The following SPTB variants were observed in gnomAD, a reference collection of about 807,000 sequenced individuals.
SPTB encodes the protein spectrin beta chain, erythrocytic.
A neutral mutation model predicts 256.2 loss-of-function variants in SPTB; 45 were observed. The ratio of observed to expected loss-of-function variants is 0.18; its 90% CI spans 0.14 to 0.23. The LOEUF (loss-of-function observed/expected upper bound fraction) is 0.23, where lower values mean the gene tolerates loss of function less well. SPTB is among the 10% of genes least tolerant of loss of function. The pLI, the probability that SPTB is intolerant of heterozygous loss-of-function variation, is 1.00. For missense variants in SPTB, 2,715 were observed against 3,040.4 expected (o/e 0.89, Z 2.52); for synonymous variants, 1,231 against 1,243.1 (o/e 0.99, Z 0.21).
In SPTB at chr14:64,827,467, G is replaced by T. The variant is rs996002768; in HGVS notation, c.-51-4322C>A. Among the ~76,000 whole-genome samples the T allele has an allele frequency of 6.6e-6, 1 of 152,100 alleles. No individual in the cohort carries two copies. Among genetic ancestry groups the T allele is most frequent in the Non-Finnish European group, 1.5e-5 (1 of 68,012 alleles). On this transcript the variant is annotated intron_variant, in intron 1 of 35. Transcript: ENST00000644917. The surrounding 1 kb of genome is among the most constrained non-coding windows in gnomAD (Gnocchi z 4.6). ...CCTCACCTGTTTTCTAGTTTGTCCTGCCCCTTTATGCTACCTCAAACCTGC... is the reference window on the plus strand; with the variant it reads ...CCTCACCTGTTTTCTAGTTTGTCCTTCCCCTTTATGCTACCTCAAACCTGC...
rs34353769 is a variant in SPTB, at chr14:64,748,936, CTTT to C, written c.*367_*369del. On this transcript the variant is annotated 3_prime_UTR_variant, in exon 36 of 36. Transcript: ENST00000644917. ...AGAACCCCATCAGCCTTCTCCAGCT[CTTT>C]TTTTTTTTTTTTTTTGGTTGGGGGT... 5.1e-3 allele frequency: 652 copies of C among 128,598 alleles called. No homozygotes were observed. Among genetic ancestry groups the C allele is most frequent in the South Asian group, 0.015 (66 of 4,426 alleles). 8.0% of individuals were successfully genotyped at this position (128,598 alleles called of 1,614,324 possible). A position where few individuals can be genotyped will look rare whatever the true frequency, so the allele number is the denominator to read the frequency against.
rs779089363 is a variant in SPTB, at chr14:64,796,601, T to C, written c.1297A>G (p.Met433Val). ...TTTTCACTGAGCCAGGTCTCTCTCA[T>C]TGCGGCCTTCCGGTCAAAGCGCCGG... ...LARRFDRKAAMRETWLSENQR... is the reference protein window; with the variant it reads ...LARRFDRKAAVRETWLSENQR... The change falls in exon 11 of 36, where the codon ATG becomes GTG. Residue 433 changes from methionine to valine, a missense_variant. Around this residue, in one of 4 missense-constraint regions of SPTB, gnomAD observed 416 missense variants for 571.1 expected, o/e 0.73. Transcript: ENST00000644917. This position sits in a 1 kb window ranked among gnomAD's most constrained non-coding sequence, Gnocchi z 4.1. 1 of 1,614,250 alleles carries C rather than the reference T, an allele frequency of 6.2e-7. No individual in the cohort carries two copies. The highest frequency in any genetic ancestry group is 2.2e-5 in the East Asian group (1 of 44,882).
intron 1 of SPTB, among the ~76,000 whole-genome samples, chr14:64,879,442 G>A (rs28679793): frequency 0.64 from 97,496 of 152,176 alleles, 33,266 homozygotes; most frequent in Non-Finnish European, 0.76. Context: ...CTCCCAGGCC[G>A]GGGTCCTGGA....
Position 64,749,242 on chromosome 14 carries a change from GC to G in SPTB, c.*63del. On this transcript the variant is annotated 3_prime_UTR_variant, in exon 36 of 36. Transcript: ENST00000644917. The surrounding 1 kb of genome is among the most constrained non-coding windows in gnomAD (Gnocchi z 4.7). ...GACCGGCGGGCGGCGGCGAGAGGAG[GC>G]CAAGGCCTGGGCTGCCCGGTCTCTG... 6.5e-7 allele frequency: 1 copy of G among 1,526,844 alleles called. No homozygotes were observed. Among genetic ancestry groups the G allele is most frequent in the South Asian group, 1.2e-5 (1 of 83,624 alleles). The allele number at this position is 1,526,844 out of a possible 1,614,324, so 94.6% of individuals were successfully genotyped here.
chr14:64,750,283 TAAA>T lies in SPTB; in HGVS notation c.6603-132_6603-130del. ...GATACATAGTAACATGTTTTATTGT[TAAA>T]AAATCATCTGCATGTAATTTCATTA... On this transcript the variant is annotated intron_variant, in intron 33 of 35. Transcript: ENST00000644917. 5 of 934,872 alleles carry T rather than the reference TAAA, an allele frequency of 5.3e-6. No individual in the cohort carries two copies. The South Asian group carries it at 8.7e-5, about 16-fold the overall frequency. 57.9% of individuals were successfully genotyped at this position (934,872 alleles called of 1,614,324 possible). A position where few individuals can be genotyped will look rare whatever the true frequency, so the allele number is the denominator to read the frequency against.
At chr14:64,812,241 G>A (rs116457563) in intron 2 of SPTB, among the ~76,000 whole-genome samples, 2,432 of 152,264 alleles carry the variant, frequency 0.016, 71 homozygotes, top group African/African-American at 0.056. Context: ...GAGCCAACGC[G>A]CCCAGCCTAA....
rs1042130221 is a variant in SPTB, at chr14:64,852,462, T to C, written c.-52+27330A>G. 5.9e-5 allele frequency among the ~76,000 whole-genome samples: 9 copies of C among 152,118 alleles called. No individual in the cohort carries two copies. The highest frequency in any genetic ancestry group is 4.6e-4 in the Admixed American group (7 of 15,268). On this transcript the variant is annotated intron_variant, in intron 1 of 35. Transcript: ENST00000644917. The surrounding 1 kb of genome is among the most constrained non-coding windows in gnomAD (Gnocchi z 4.2). Reference sequence around the variant, plus strand: ...AGGCTTGCCTTCTAGAAAGATCCCTTTGGCAGGCATATGGAGTGATGGATT... The same window carrying C: ...AGGCTTGCCTTCTAGAAAGATCCCTCTGGCAGGCATATGGAGTGATGGATT...
rs1370567286 is a variant in SPTB at position 64,779,669 on chromosome 14, T to TG, written c.4473+55dup. 6.2e-7 allele frequency: 1 copy of TG among 1,608,340 alleles called. No homozygotes were observed. The highest frequency in any genetic ancestry group is 8.5e-7 in the Non-Finnish European group (1 of 1,175,474). On this transcript the variant is annotated intron_variant, in intron 21 of 35. Coordinates refer to ENST00000644917, the MANE Select transcript of SPTB (RefSeq NM_001355436.2). This position sits in a 1 kb window ranked among gnomAD's most constrained non-coding sequence, Gnocchi z 4.2. The stretch of plus-strand genomic sequence containing the variant: ...TGCTCTGGGTGGCAGCCAGCTACTC[T>TG]GATGGCAGCTGGTGGCTCAGCCTCA...
intron 15 of SPTB, 116 bp downstream of exon 15, chr14:64,791,603 T>G: frequency 1.2e-6 from 1 of 848,034 alleles, no homozygotes. Context: ...ACAGGAATGT[T>G]GAGGGTATAG....
At position 64,785,435 on chromosome 14, in the gene SPTB, C is replaced by T. The variant is rs936793469; in HGVS notation, c.3855+102G>A. ...GGTCCCCGCTCATGGAATCCCACAG[C>T]TCTTGAGCTAGAAAGGATCCCTGTG... On this transcript the variant is annotated intron_variant, in intron 18 of 35. Transcript: ENST00000644917. This position sits in a 1 kb window ranked among gnomAD's most constrained non-coding sequence, Gnocchi z 4.4. The T allele has an allele frequency of 1.7e-5, 18 of 1,061,896 alleles. No individual in the cohort carries two copies. The highest frequency in any genetic ancestry group is 2.9e-4 in the Middle Eastern group (1 of 3,492). The allele number at this position is 1,061,896 out of a possible 1,614,324, so 65.8% of individuals were successfully genotyped here. A position where few individuals can be genotyped will look rare whatever the true frequency, so the allele number is the denominator to read the frequency against.
chr14:64,804,087 C>T (rs567297435), intron 3 of SPTB, among the ~76,000 whole-genome samples: 1 of 152,294 alleles, frequency 6.6e-6, no homozygotes, highest in Non-Finnish European at 1.5e-5. Flanking sequence ...TAATTGATCC[C>T]TTACCATGTG....
At position 64,796,775 on chromosome 14, in the gene SPTB, C is replaced by T; in HGVS notation, c.1183-60G>A. ...CAGGAGAAATGCCTCACTTTGGGGGCTCCACCCCTTTCACCCAACACTGAG... is the reference window on the plus strand; with the variant it reads ...CAGGAGAAATGCCTCACTTTGGGGGTTCCACCCCTTTCACCCAACACTGAG... On this transcript the variant is annotated intron_variant, in intron 10 of 35. Transcript: ENST00000644917. This position sits in a 1 kb window ranked among gnomAD's most constrained non-coding sequence, Gnocchi z 4.1. The T allele has an allele frequency of 6.2e-7, 1 of 1,605,316 alleles. No individual in the cohort carries two copies. The highest frequency in any genetic ancestry group is 8.5e-7 in the Non-Finnish European group (1 of 1,174,646).
Position 64,772,793 on chromosome 14 carries a change from T to C in SPTB, c.5340A>G (p.Ala1780=). ...GCGTGTCAATGAGCTCCAGGAGGTC[T>C]GCCCACATCTCGTTCAGCCCGTCCT... ...EWKDGLNEMW[A]DLLELIDTRM... Residue 1780 remains alanine (A), a synonymous_variant, in exon 26 of 36, where the codon GCA becomes GCG. Transcript: ENST00000644917. This position sits in a 1 kb window ranked among gnomAD's most constrained non-coding sequence, Gnocchi z 5.4. The C allele has an allele frequency of 6.2e-7, 1 of 1,614,016 alleles. No individual in the cohort carries two copies. Among genetic ancestry groups the C allele is most frequent in the Non-Finnish European group, 8.5e-7 (1 of 1,180,044 alleles).
intron 15 of SPTB, among the ~76,000 whole-genome samples, chr14:64,787,576 C>T (rs1389005636): frequency 6.6e-6 from 1 of 152,128 alleles, no homozygotes; most frequent in Non-Finnish European, 1.5e-5. Context: ...CTAGAGGAAC[C>T]AAGTAAATGC....
chr14:64,873,991 C>T lies in SPTB; in HGVS notation c.-52+5801G>A, dbSNP rs143514949. Among the ~76,000 whole-genome samples, 70 of 152,282 alleles carry T rather than the reference C, an allele frequency of 4.6e-4. No homozygotes were observed. The highest frequency in any genetic ancestry group is 1.7e-3 in the African/African-American group (69 of 41,548). On this transcript the variant is annotated intron_variant, in intron 1 of 35. Transcript: ENST00000644917. The surrounding 1 kb of genome is among the most constrained non-coding windows in gnomAD (Gnocchi z 4.3). ...ATCATCATCTTGTACTGGCTGGGAT[C>T]TAATTCACTTTCTCTTCACTGCCAC...
At chr14:64,787,297 A>T (rs1256425555) in intron 15 of SPTB, 137 bp from the exon 16 acceptor site, 6 of 1,192,628 alleles carry the variant, frequency 5.0e-6, no homozygotes, top group Non-Finnish European at 7.0e-6. Flanking sequence ...AGAAAAAAAA[A>T]AATCTACCTA....
chr14:64,796,665 T>C lies in SPTB; in HGVS notation c.1233A>G (p.Arg411=). 6.2e-7 allele frequency: 1 copy of C among 1,614,130 alleles called. No individual in the cohort carries two copies. The highest frequency in any genetic ancestry group is 1.1e-5 in the South Asian group (1 of 91,076). Reference sequence around the variant, plus strand: ...GCTTCTCCTGCCGAATGAGCTCATTTCTCAGGGCCAGCTCCCGCCGATACT... The same window carrying C: ...GCTTCTCCTGCCGAATGAGCTCATTCCTCAGGGCCAGCTCCCGCCGATACT... ...EAEYRRELAL[R]NELIRQEKLE... Residue 411 remains arginine, a synonymous_variant, in exon 11 of 36, where the codon AGA becomes AGG. Transcript: ENST00000644917. This position sits in a 1 kb window ranked among gnomAD's most constrained non-coding sequence, Gnocchi z 4.1.
intron 32 of SPTB, chr14:64,763,666 G>T (rs542893351): frequency 1.4e-4 from 73 of 511,548 alleles, no homozygotes; most frequent in Non-Finnish European, 1.9e-4. Flanking sequence ...CAGAATTAAG[G>T]ACTAGAACCC....
chr14:64,791,049 G>C (rs1383977206), intron 15 of SPTB, among the ~76,000 whole-genome samples: 1 of 152,178 alleles, frequency 6.6e-6, no homozygotes, highest in East Asian at 1.9e-4. Flanking sequence ...CTCTGCCCAA[G>C]AATGTCCAGG....
Sources: allele counts gnomAD v4.1 joint callset (sites outside exome capture counted in the v4.1 genomes callset), GRCh38; gene constraint gnomAD v4.1.1; regional missense constraint gnomAD v4.1.1; non-coding constraint Gnocchi (gnomAD v3.1); transcripts MANE v1.5; gene names NCBI Gene and HGNC (gene_info 2026-07-23, HGNC 2026-07-21).